The following ARB2A variants were observed in gnomAD, a reference collection of about 807,000 sequenced individuals.
The protein encoded by ARB2A is cotranscriptional regulator ARB2A.
chr5:93,818,970 G>A, the ARB2A span, among the ~76,000 whole-genome samples: 3 of 151,754 alleles, frequency 2.0e-5, no homozygotes, highest in Non-Finnish European at 2.9e-5. Context: ...GGCGGATCAC[G>A]AGGTCAGGAG....
the ARB2A span, among the ~76,000 whole-genome samples, chr5:93,825,942 T>C: frequency 6.6e-6 from 1 of 151,802 alleles, no homozygotes; most frequent in South Asian, 2.1e-4. Flanking sequence ...AATATATATA[T>C]ACATTTTTTC....
chr5:94,103,079 C>T, the ARB2A span, among the ~76,000 whole-genome samples: 9 of 151,940 alleles, frequency 5.9e-5, no homozygotes, highest in Non-Finnish European at 1.3e-4. Flanking sequence ...CACTTAAGTA[C>T]ACAGACCATT....
chr5:93,793,069 A>G, the ARB2A span, among the ~76,000 whole-genome samples: 2 of 151,224 alleles, frequency 1.3e-5, no homozygotes, highest in Non-Finnish European at 3.0e-5. Flanking sequence ...GCATAGCTAG[A>G]TTTTTTTATT....
At chr5:94,089,558 CAT>C in the ARB2A span, among the ~76,000 whole-genome samples, 4 of 148,764 alleles carry the variant, frequency 2.7e-5, no homozygotes, top group African/African-American at 9.9e-5. Flanking sequence ...TAAAAATACT[CAT>C]ATATTTTAAT....
chr5:94,103,469 C>T, the ARB2A span, among the ~76,000 whole-genome samples: 9 of 152,028 alleles, frequency 5.9e-5, no homozygotes, highest in African/African-American at 9.7e-5. Flanking sequence ...AAAACTTTAA[C>T]TACCCTAAAT....
the ARB2A span, among the ~76,000 whole-genome samples, chr5:93,881,864 T>C: frequency 1.3e-5 from 2 of 151,382 alleles, no homozygotes; most frequent in African/African-American, 4.8e-5. Context: ...TTTAAAATTG[T>C]TTGCCTTTAT....
At chr5:93,713,957 C>T in the ARB2A span, among the ~76,000 whole-genome samples, 2 of 152,180 alleles carry the variant, frequency 1.3e-5, no homozygotes, top group African/African-American at 2.4e-5. Flanking sequence ...TAGTGATCCT[C>T]AGCCCTCAGG....
At chr5:93,683,340 C>G in the ARB2A span, 214 of 1,604,148 alleles carry the variant, frequency 1.3e-4, 2 homozygotes, top group East Asian at 4.4e-3. Context: ...TCCTCTTCAT[C>G]TTCTGACTCT....
chr5:93,888,993 T>G, the ARB2A span, among the ~76,000 whole-genome samples: 1 of 151,806 alleles, frequency 6.6e-6, no homozygotes, highest in Non-Finnish European at 1.5e-5. Context: ...TATCCTATAC[T>G]GACAGTCACT....
the ARB2A span, among the ~76,000 whole-genome samples, chr5:93,997,754 C>A: frequency 3.3e-5 from 5 of 151,990 alleles, no homozygotes; most frequent in Admixed American, 3.3e-4. Context: ...CCAAACACAA[C>A]TTTCTGCACT....
At chr5:93,938,396 T>C in the ARB2A span, among the ~76,000 whole-genome samples, 3 of 152,206 alleles carry the variant, frequency 2.0e-5, no homozygotes, top group South Asian at 2.1e-4. Flanking sequence ...AGAAAAATTA[T>C]TGGGTCACTA....
chr5:94,095,377 G>C, the ARB2A span, among the ~76,000 whole-genome samples: 1 of 152,060 alleles, frequency 6.6e-6, no homozygotes, highest in African/African-American at 2.4e-5. Flanking sequence ...CCATTCAATA[G>C]TTCCTACTGC....
chr5:94,053,143 T>C, the ARB2A span: 4 of 1,590,336 alleles, frequency 2.5e-6, no homozygotes, highest in African/African-American at 5.4e-5. Flanking sequence ...AAAAGCATAT[T>C]CAAATCCTTC....
At chr5:93,695,750 G>C in the ARB2A span, among the ~76,000 whole-genome samples, 1 of 152,126 alleles carries the variant, frequency 6.6e-6, no homozygotes, top group Non-Finnish European at 1.5e-5. Flanking sequence ...GTTTACTGCA[G>C]CACTGTTCAC....
chr5:94,009,989 T>C, the ARB2A span, among the ~76,000 whole-genome samples: 20 of 151,766 alleles, frequency 1.3e-4, no homozygotes, highest in African/African-American at 4.8e-4. Context: ...ACTGAAGAAC[T>C]GGCTTTTGAA....
the ARB2A span, among the ~76,000 whole-genome samples, chr5:93,915,868 C>A: frequency 6.6e-6 from 1 of 151,944 alleles, no homozygotes; most frequent in Non-Finnish European, 1.5e-5. Flanking sequence ...AGAAGCATTC[C>A]AGAAGAAAGA....
chr5:93,740,710 C>A, the ARB2A span: 15 of 1,613,380 alleles, frequency 9.3e-6, no homozygotes, highest in Non-Finnish European at 1.1e-5. Flanking sequence ...TGCTCCTGGG[C>A]AAGGAGGCCC....
chr5:93,641,797 G>C, the ARB2A span, among the ~76,000 whole-genome samples: 7 of 152,186 alleles, frequency 4.6e-5, no homozygotes, highest in Middle Eastern at 3.4e-3. Flanking sequence ...AGCTACCTTT[G>C]CTTAATAGTT....
the ARB2A span, among the ~76,000 whole-genome samples, chr5:93,688,581 A>G: frequency 2.6e-5 from 4 of 152,076 alleles, no homozygotes; most frequent in East Asian, 7.7e-4. Flanking sequence ...TTTTCTTTTT[A>G]AAAAATTGTG....
Sources: allele counts gnomAD v4.1 joint callset (sites outside exome capture counted in the v4.1 genomes callset), GRCh38; gene constraint gnomAD v4.1.1; transcripts MANE v1.5; gene names NCBI Gene and HGNC (gene_info 2026-07-23, HGNC 2026-07-21).